RPS6KA4: variants seen among roughly 807,000 people sequenced by gnomAD.
RPS6KA4 encodes the protein ribosomal protein S6 kinase alpha-4.
RPS6KA4 carries 38 observed loss-of-function variants against 89.6 expected under a neutral mutation model. The ratio of observed to expected loss-of-function variants is 0.42; its 90% CI spans 0.33 to 0.56. RPS6KA4 has a LOEUF of 0.56. RPS6KA4 is among the 20% of genes least tolerant of loss of function. RPS6KA4 has a pLI of 0.07. For missense variants in RPS6KA4, 873 were observed against 1,098.8 expected, an observed-to-expected ratio of 0.79 and a Z score of 2.90; for synonymous variants, 495 against 492.8, an observed-to-expected ratio of 1.00 and a Z score of -0.06.
Position 64,370,238 on chromosome 11 carries a change from C to T in RPS6KA4, c.1811C>T (p.Ser604Leu), listed in dbSNP as rs1441850972. 1 of 1,562,986 alleles carries T rather than the reference C, an allele frequency of 6.4e-7. No homozygotes were observed. The highest frequency in any genetic ancestry group is 1.4e-5 in the African/African-American group (1 of 72,166). ...TCACCCTCCTAGTACATGATGCTGT[C>T]GGGGCAGGTCCCCTTCCAGGGGGCC... is the stretch of plus-strand genomic sequence containing the variant. Reference protein sequence around the residue: ...SLGVILYMMLSGQVPFQGASG... With the variant: ...SLGVILYMMLLGQVPFQGASG... Residue 604 changes from serine to leucine, a missense_variant, in exon 15 of 17, where the codon TCG (serine) becomes TTG (leucine). Transcript: ENST00000334205. The surrounding 1 kb of genome is among the most constrained non-coding windows in gnomAD (Gnocchi z 4.1).
rs756772841 is a variant in RPS6KA4, at chr11:64,369,472, G to A, written c.1455G>A (p.Leu485=). The A allele has an allele frequency of 2.5e-6, 4 of 1,608,396 alleles. No homozygotes were observed. The highest frequency in any genetic ancestry group is 3.4e-6 in the Non-Finnish European group (4 of 1,178,666). Residue 485 remains leucine (L), a synonymous_variant, in exon 13 of 17, where the codon CTG becomes CTA. Coordinates refer to ENST00000334205, the MANE Select transcript of RPS6KA4 (RefSeq NM_003942.3). ...DQLHTYLVLE[L]LRGGELLEHI... ...TGCACACGTACCTGGTCCTGGAGCT[G>A]CTGCGGGGCGGGGAGCTGCTGGAGC... is the stretch of plus-strand genomic sequence containing the variant.
chr11:64,370,869 G>T lies in RPS6KA4; in HGVS notation c.2121+143G>T. ...GCCTGTAATCCCAGCGCTTTGGGAG[G>T]CCGAGGCGGGCGGATCACGAGGTCA... On this transcript the variant is annotated intron_variant, in intron 16 of 16. Coordinates refer to ENST00000334205, the MANE Select transcript of RPS6KA4 (RefSeq NM_003942.3). The surrounding 1 kb of genome is among the most constrained non-coding windows in gnomAD (Gnocchi z 4.1). The T allele has an allele frequency of 9.5e-7, 1 of 1,057,774 alleles. No individual in the cohort carries two copies. The highest frequency in any genetic ancestry group is 1.3e-6 in the Non-Finnish European group (1 of 759,774). The allele number at this position is 1,057,774 out of a possible 1,614,324, so 65.5% of individuals were successfully genotyped here.
chr11:64,361,017 C>T lies in RPS6KA4; in HGVS notation c.463-117C>T. 2 of 752,242 alleles carry T rather than the reference C, an allele frequency of 2.7e-6. No individual in the cohort carries two copies. Among genetic ancestry groups the T allele is most frequent in the Non-Finnish European group, 4.3e-6 (2 of 461,748 alleles). The allele number at this position is 752,242 out of a possible 1,614,324, so 46.6% of individuals were successfully genotyped here. A position where few individuals can be genotyped will look rare whatever the true frequency, so the allele number is the denominator to read the frequency against. The stretch of plus-strand genomic sequence containing the variant: ...TCAGTGGCTCTGCCCTGGAGACCCC[C>T]TCTACAGGCAGATGACTTTCTCTGG... On this transcript the variant is annotated intron_variant, in intron 4 of 16. Transcript: ENST00000334205. The surrounding 1 kb of genome is among the most constrained non-coding windows in gnomAD (Gnocchi z 4.7).
intron 14 of RPS6KA4, 33 bp downstream of exon 14, chr11:64,369,926 G>A (rs372459012): frequency 6.7e-6 from 10 of 1,493,488 alleles, no homozygotes; most frequent in African/African-American, 5.6e-5. Flanking sequence ...CGGGGTCAGG[G>A]TCGCTCGGAC....
chr11:64,365,217 G>A lies in RPS6KA4; in HGVS notation c.907-84G>A, dbSNP rs1207720556. On this transcript the variant is annotated intron_variant, in intron 8 of 16. Coordinates refer to ENST00000334205, the MANE Select transcript of RPS6KA4 (RefSeq NM_003942.3). ...CCAGATGGGCCCTTGCCTCATGGAGGAACTGCCCAGTGAGGGTGGGCTGAG... is the reference window on the plus strand; with the variant it reads ...CCAGATGGGCCCTTGCCTCATGGAGAAACTGCCCAGTGAGGGTGGGCTGAG... 2.0e-6 allele frequency: 3 copies of A among 1,489,438 alleles called. No individual in the cohort carries two copies. In the African/African-American group the frequency reaches 4.2e-5, roughly 21 times the overall value. 92.3% of individuals were successfully genotyped at this position (1,489,438 alleles called of 1,614,324 possible).
chr11:64,360,915 T>C, intron 4 of RPS6KA4: 1 of 570,510 alleles, frequency 1.8e-6, no homozygotes, highest in South Asian at 2.3e-5. Flanking sequence ...CACACAGACT[T>C]TCCTCTCTCT....
rs766228979 is a variant in RPS6KA4, at chr11:64,369,616, G to A, written c.1599G>A (p.Pro533=). 3.1e-6 allele frequency: 5 copies of A among 1,603,436 alleles called. No homozygotes were observed. In the African/African-American group the frequency reaches 4.0e-5, roughly 13 times the overall value. Residue 533 remains proline, a synonymous_variant, in exon 13 of 17, where the codon CCG becomes CCA. Coordinates refer to ENST00000334205, the MANE Select transcript of RPS6KA4 (RefSeq NM_003942.3). ...EAGVVHRDLK[P]ENILYADDTP... Reference sequence around the variant, plus strand: ...GCGTGGTGCACCGCGACCTCAAGCCGGAGGTGGGCGAGCTGCCTCGGCGGC... The same window carrying A: ...GCGTGGTGCACCGCGACCTCAAGCCAGAGGTGGGCGAGCTGCCTCGGCGGC...
chr11:64,368,739 T>C lies in RPS6KA4; in HGVS notation c.1370T>C (p.Leu457Pro). ...AACACGCAGCGCGAAGTGGCTGCCC[T>C]GCGCCTGTGCCAGTCACACCCCAAC... ...EANTQREVAA[L>P]RLCQSHPNVV... is the part of the protein sequence containing the mutation. The change falls in exon 12 of 17, where the codon CTG becomes CCG. Residue 457 changes from leucine (L) to proline (P), a missense_variant. Around this residue, in one of 4 missense-constraint regions of RPS6KA4, gnomAD observed 542 missense variants for 736.4 expected, o/e 0.74. Transcript: ENST00000334205. The C allele has an allele frequency of 6.3e-7, 1 of 1,574,906 alleles. No individual in the cohort carries two copies. The highest frequency in any genetic ancestry group is 8.6e-7 in the Non-Finnish European group (1 of 1,160,678).
In RPS6KA4 at chr11:64,359,211, C is replaced by G. The variant is rs2036666701; in HGVS notation, c.-25C>G. ...CCGGCGCCGCCCGGAGCCCGAGCCG[C>G]GCGGGCCCCAGCGACCCGCCCGCCA... is the stretch of plus-strand genomic sequence containing the variant. On this transcript the variant is annotated 5_prime_UTR_variant, in exon 1 of 17. Transcript: ENST00000334205. 1 of 1,319,842 alleles carries G rather than the reference C, an allele frequency of 7.6e-7. No homozygotes were observed. The highest frequency in any genetic ancestry group is 9.7e-7 in the Non-Finnish European group (1 of 1,026,402). The allele number at this position is 1,319,842 out of a possible 1,614,324, so 81.8% of individuals were successfully genotyped here.
rs755246792 is a variant in RPS6KA4 at position 64,361,854 on chromosome 11, G to A, written c.758G>A (p.Arg253Gln). 29 of 1,611,822 alleles carry A rather than the reference G, an allele frequency of 1.8e-5. No homozygotes were observed. The East Asian group carries it at 2.2e-4, about 12-fold the overall frequency. ...TGACACCCCCCCAATCCTCCCAGACGGATCCTGAAGTGCTCCCCTCCCTTC... is the reference window on the plus strand; with the variant it reads ...TGACACCCCCCCAATCCTCCCAGACAGATCCTGAAGTGCTCCCCTCCCTTC... ...ERNTQAEVSRRILKCSPPFPP... is the reference protein window; with the variant it reads ...ERNTQAEVSRQILKCSPPFPP... The change falls in exon 8 of 17, where the codon CGG becomes CAG. Residue 253 changes from arginine (R) to glutamine (Q), a missense_variant and splice_region_variant. Transcript: ENST00000334205. This position sits in a 1 kb window ranked among gnomAD's most constrained non-coding sequence, Gnocchi z 4.7.
intron 9 of RPS6KA4, among the ~76,000 whole-genome samples, chr11:64,366,282 T>A (rs555809730): frequency 6.6e-6 from 1 of 151,958 alleles, no homozygotes; most frequent in East Asian, 2.0e-4. Context: ...GCAATTCTCC[T>A]GCCTTAGCCT....
chr11:64,365,388 G>A lies in RPS6KA4; in HGVS notation c.994G>A (p.Ala332Thr). Residue 332 changes from alanine to threonine, a missense_variant, in exon 9 of 17, where the codon GCG becomes ACG. Physicochemically the swap from Ala to Thr is moderately conservative, Grantham distance 58. This residue lies in a region of RPS6KA4 where 542 missense variants were observed against 736.4 expected (regional missense o/e 0.74). Transcript: ENST00000334205. ...IRSELDVGNF[A>T]EEFTRLEPVY... ...CTCAGAGCTGGATGTGGGCAACTTTGCGGAGGAATTCACTCGGCTGGAGCC... is the reference window on the plus strand; with the variant it reads ...CTCAGAGCTGGATGTGGGCAACTTTACGGAGGAATTCACTCGGCTGGAGCC... 6.2e-7 allele frequency: 1 copy of A among 1,614,116 alleles called. No homozygotes were observed. The highest frequency in any genetic ancestry group is 8.5e-7 in the Non-Finnish European group (1 of 1,180,018).
chr11:64,359,188 G>C lies in RPS6KA4; in HGVS notation c.-48G>C. 1 of 1,250,860 alleles carries C rather than the reference G, an allele frequency of 8.0e-7. No individual in the cohort carries two copies. Among genetic ancestry groups the C allele is most frequent in the Non-Finnish European group, 1.0e-6 (1 of 990,910 alleles). 77.5% of individuals were successfully genotyped at this position (1,250,860 alleles called of 1,614,324 possible). The stretch of plus-strand genomic sequence containing the variant: ...CCCCGGCCGGAGCCGCCATGTAACC[G>C]GCGCCGCCCGGAGCCCGAGCCGCGC... On this transcript the variant is annotated 5_prime_UTR_variant, in exon 1 of 17. Transcript: ENST00000334205.
chr11:64,363,265 G>T (rs2036800941), intron 8 of RPS6KA4, among the ~76,000 whole-genome samples: 1 of 152,194 alleles, frequency 6.6e-6, no homozygotes, highest in Non-Finnish European at 1.5e-5. Context: ...TGCCTGAGAT[G>T]ATTTCTTACA....
In RPS6KA4 at chr11:64,368,576, T is replaced by C; in HGVS notation, c.1309T>C (p.Phe437Leu). 6.2e-7 allele frequency: 1 copy of C among 1,600,110 alleles called. No individual in the cohort carries two copies. Among genetic ancestry groups the C allele is most frequent in the African/African-American group, 1.3e-5 (1 of 74,798 alleles). Reference sequence around the variant, plus strand: ...CCGCCAGCGCCAGAGCGGCCAGGAGTTCGCAGTCAAGATCCTCAGTCGCAG... The same window carrying C: ...CCGCCAGCGCCAGAGCGGCCAGGAGCTCGCAGTCAAGATCCTCAGTCGCAG... ...RCRQRQSGQE[F>L]AVKILSRRLE... The change falls in exon 11 of 17, where the codon TTC becomes CTC. Residue 437 changes from phenylalanine (F) to leucine (L), a missense_variant. By Grantham distance (22) the Phe-to-Leu change is conservative. Coordinates refer to ENST00000334205, the MANE Select transcript of RPS6KA4 (RefSeq NM_003942.3).
rs1289695070 is a variant in RPS6KA4, at chr11:64,359,204, C to T, written c.-32C>T. On this transcript the variant is annotated 5_prime_UTR_variant, in exon 1 of 17. Transcript: ENST00000334205. ...CATGTAACCGGCGCCGCCCGGAGCCCGAGCCGCGCGGGCCCCAGCGACCCG... is the reference window on the plus strand; with the variant it reads ...CATGTAACCGGCGCCGCCCGGAGCCTGAGCCGCGCGGGCCCCAGCGACCCG... 5 of 1,287,616 alleles carry T rather than the reference C, an allele frequency of 3.9e-6. No individual in the cohort carries two copies. The South Asian group carries it at 1.0e-4, about 26-fold the overall frequency. The allele number at this position is 1,287,616 out of a possible 1,614,324, so 79.8% of individuals were successfully genotyped here.
chr11:64,364,640 C>G (rs916203216), intron 8 of RPS6KA4, among the ~76,000 whole-genome samples: 2 of 151,960 alleles, frequency 1.3e-5, no homozygotes, highest in African/African-American at 4.8e-5. Flanking sequence ...TGCATGGGGA[C>G]TTCATCTAAC....
At chr11:64,369,337 G>A in intron 12 of RPS6KA4, 109 bp from the exon 13 acceptor site, 1 of 1,172,370 alleles carries the variant, frequency 8.5e-7, no homozygotes, top group Non-Finnish European at 1.2e-6. Context: ...TTGAGGAGGG[G>A]GTTCTCGAAC....
At chr11:64,368,444 C>T in intron 10 of RPS6KA4, 24 bp from the exon 11 acceptor site, 2 of 1,545,448 alleles carry the variant, frequency 1.3e-6, no homozygotes, top group Non-Finnish European at 1.7e-6. Flanking sequence ...CCGCCTTCGC[C>T]TTCGCCTTCG....
Sources: gnomAD v4.1 joint callset for allele counts (sites outside exome capture counted in the v4.1 genomes callset) on GRCh38, gnomAD v4.1.1 for gene constraint, gnomAD v4.1.1 regional missense constraint, Gnocchi (gnomAD v3.1) non-coding constraint, MANE v1.5 for transcripts, NCBI Gene and HGNC (gene_info 2026-07-23, HGNC 2026-07-21) for gene names.